Variants in SAMD12 observed in about 807,000 individuals in gnomAD.
SAMD12 encodes the protein sterile alpha motif domain-containing protein 12.
In SAMD12, 9 loss-of-function variants were observed where a neutral mutation model predicts 15.0. That is an observed-to-expected ratio of 0.60 (90% CI 0.36 to 1.05). The LOEUF (loss-of-function observed/expected upper bound fraction) is 1.05, where lower values mean the gene tolerates loss of function less well. SAMD12 is among the 50% of genes least tolerant of loss of function. The pLI, the probability that SAMD12 is intolerant of heterozygous loss-of-function variation, is 0.01. For missense variants in SAMD12, 230 were observed against 234.2 expected (o/e 0.98, Z 0.12); for synonymous variants, 86 against 90.1 (o/e 0.96, Z 0.25).
chr8:118,206,595 C>T (rs944990711), intron 4 of SAMD12, among the ~76,000 whole-genome samples: 2 of 152,182 alleles, frequency 1.3e-5, no homozygotes, highest in African/African-American at 2.4e-5. Context: ...TGAAGAGTCT[C>T]CAATCTGTAT....
At chr8:118,132,986 AT>A in the SAMD12 span, among the ~76,000 whole-genome samples, 1 of 59,776 alleles carries the variant, frequency 1.7e-5, no homozygotes, top group East Asian at 7.1e-4. Context: ...ATATATATAT[AT>A]ATATATATAT....
chr8:118,137,809 T>A, the SAMD12 span, among the ~76,000 whole-genome samples: 1 of 152,154 alleles, frequency 6.6e-6, no homozygotes, highest in Non-Finnish European at 1.5e-5. Flanking sequence ...TTAAGAAAGT[T>A]TACAAATTTT....
exon 5 of SAMD12, chr8:118,197,123 T>A: frequency 6.6e-6 from 1 of 151,814 alleles, no homozygotes; most frequent in Non-Finnish European, 1.5e-5. Flanking sequence ...AAAAAGAAAA[T>A]ACTTGATTTC....
intron 4 of SAMD12, among the ~76,000 whole-genome samples, chr8:118,348,409 T>C (rs1209487329): frequency 4.0e-5 from 6 of 150,590 alleles, no homozygotes; most frequent in East Asian, 2.0e-4. Context: ...ATCGCTCTGT[T>C]GCCTAGGCTG....
At chr8:118,584,071 C>G (rs746040051) in intron 1 of SAMD12, among the ~76,000 whole-genome samples, 2 of 152,172 alleles carry the variant, frequency 1.3e-5, no homozygotes, top group Non-Finnish European at 2.9e-5. Flanking sequence ...AAATACTTGG[C>G]ATTCAAAATG....
intron 3 of SAMD12, among the ~76,000 whole-genome samples, chr8:118,439,195 A>T (rs143693525): frequency 6.6e-6 from 1 of 152,188 alleles, no homozygotes; most frequent in South Asian, 2.1e-4. Context: ...AATACCCTTG[A>T]TCTAAATGGA....
chr8:118,284,151 AT>A (rs1220878342), intron 4 of SAMD12: 2 of 392,170 alleles, frequency 5.1e-6, no homozygotes, highest in Non-Finnish European at 1.0e-5. Flanking sequence ...TTTTGGATCC[AT>A]TATGATAACC....
At chr8:118,231,728 T>C (rs537906053) in intron 4 of SAMD12, among the ~76,000 whole-genome samples, 1 of 152,308 alleles carries the variant, frequency 6.6e-6, no homozygotes, top group South Asian at 2.1e-4. Flanking sequence ...AGAGGCTACC[T>C]GTCCACCAAA....
chr8:118,281,206 C>A (rs775894446), intron 4 of SAMD12, among the ~76,000 whole-genome samples: 2 of 152,032 alleles, frequency 1.3e-5, no homozygotes, highest in Non-Finnish European at 2.9e-5. Context: ...CCTTTAATTT[C>A]ACAGATTAGG....
intron 4 of SAMD12, among the ~76,000 whole-genome samples, chr8:118,269,396 T>C (rs1409782286): frequency 6.6e-6 from 1 of 152,120 alleles, no homozygotes; most frequent in East Asian, 1.9e-4. Context: ...TATAAGACAA[T>C]AACCAACATG....
At chr8:118,178,681 G>C in the SAMD12 span, among the ~76,000 whole-genome samples, 1 of 151,924 alleles carries the variant, frequency 6.6e-6, no homozygotes, top group African/African-American at 2.4e-5. Flanking sequence ...GGCCAGGCTG[G>C]TCTTGAACTC....
At chr8:118,572,629 T>C (rs1827045554) in intron 2 of SAMD12, among the ~76,000 whole-genome samples, 2 of 152,104 alleles carry the variant, frequency 1.3e-5, no homozygotes, top group Admixed American at 6.5e-5. Context: ...CTGTACAAGC[T>C]CTCTTTGCCT....
chr8:118,379,519 A>G lies in SAMD12; in HGVS notation c.504T>C (p.Ile168=). 5 of 1,613,788 alleles carry G rather than the reference A, an allele frequency of 3.1e-6. No homozygotes were observed. The highest frequency in any genetic ancestry group is 3.4e-6 in the Non-Finnish European group (4 of 1,179,796). ...CTAATAGTAAGGTGGTCTTTCTTCT[A>G]ATCTCCCCATCCATCCACCCATCAG... is the stretch of plus-strand genomic sequence containing the variant. ...LLPDGWMDGE[I]RRKTTLLLGQ... is the part of the protein sequence containing the mutation. The change falls in exon 4 of 4, where the codon ATT becomes ATC. Residue 168 remains isoleucine (I), a synonymous_variant. Transcript: ENST00000314727.
Position 118,378,782 on chromosome 8 carries a change from A to G in SAMD12, c.*635T>C, listed in dbSNP as rs1819513150. ...TTGATAGCATCCAAATCTCATGTAG[A>G]CATATCAGTTACATATAGTGTAACT... On this transcript the variant is annotated 3_prime_UTR_variant, in exon 4 of 4. Transcript: ENST00000314727. The G allele has an allele frequency of 1.0e-6, 1 of 984,546 alleles. No homozygotes were observed. Among genetic ancestry groups the G allele is most frequent in the African/African-American group, 1.7e-5 (1 of 57,350 alleles). The allele number at this position is 984,546 out of a possible 1,614,324, so 61.0% of individuals were successfully genotyped here.
At chr8:118,396,845 T>A (rs1346977143) in intron 3 of SAMD12, among the ~76,000 whole-genome samples, 3 of 152,212 alleles carry the variant, frequency 2.0e-5, no homozygotes. Flanking sequence ...TATGGTGGTT[T>A]CTACTAGAGA....
chr8:118,496,997 A>T (rs763502834), intron 2 of SAMD12, among the ~76,000 whole-genome samples: 2 of 152,224 alleles, frequency 1.3e-5, no homozygotes. Context: ...TCATTAAAGA[A>T]ATGTAAATCA....
chr8:118,191,224 G>GC (rs1819361374), exon 5 of SAMD12: 2 of 152,092 alleles, frequency 1.3e-5, no homozygotes, highest in African/African-American at 2.4e-5. Context: ...TCTGCAATGT[G>GC]AGCTTCTTTT....
At chr8:118,494,451 T>G (rs751144524) in intron 2 of SAMD12, among the ~76,000 whole-genome samples, 1 of 152,212 alleles carries the variant, frequency 6.6e-6, no homozygotes, top group Non-Finnish European at 1.5e-5. Flanking sequence ...AAATGTGTCA[T>G]GCATTTCATG....
chr8:118,401,541 C>CCTTTT (rs10630727), intron 3 of SAMD12, among the ~76,000 whole-genome samples: 7 of 140,256 alleles, frequency 5.0e-5, no homozygotes, highest in African/African-American at 1.8e-4. Flanking sequence ...CCTTCTTCTT[C>CCTTTT]TTTTTTTTTT....
Sources: allele counts gnomAD v4.1 joint callset (sites outside exome capture counted in the v4.1 genomes callset), GRCh38; gene constraint gnomAD v4.1.1; transcripts MANE v1.5; gene names NCBI Gene and HGNC (gene_info 2026-07-23, HGNC 2026-07-21).